The following FAM174A variants were observed in gnomAD, a reference collection of about 807,000 sequenced individuals.
FAM174A encodes family with sequence similarity 174 member A, also known as membrane protein FAM174A.
Under a neutral mutation model 14.3 loss-of-function variants are expected in FAM174A, and 14 were observed. The observed-to-expected ratio is 0.98, with a 90% confidence interval of 0.65 to 1.53. The LOEUF (loss-of-function observed/expected upper bound fraction) is 1.53. FAM174A is among the 40% of genes most tolerant of loss of function. The pLI is 0.00. For missense variants in FAM174A, 241 were observed against 249.6 expected, an observed-to-expected ratio of 0.97 and a Z score of 0.23; for synonymous variants, 108 against 111.4, an observed-to-expected ratio of 0.97 and a Z score of 0.19.
intron 2 of FAM174A, among the ~76,000 whole-genome samples, chr5:100,569,767 T>C (rs1394049702): frequency 6.6e-6 from 1 of 151,796 alleles, no homozygotes; most frequent in Non-Finnish European, 1.5e-5. Context: ...TATACAATAG[T>C]GCACAAAAAT....
At chr5:100,555,949 G>A (rs369852251) in intron 1 of FAM174A, among the ~76,000 whole-genome samples, 3 of 151,928 alleles carry the variant, frequency 2.0e-5, no homozygotes, top group African/African-American at 4.8e-5. Context: ...TAGTTTAATT[G>A]GATCCCATTT....
intron 1 of FAM174A, among the ~76,000 whole-genome samples, chr5:100,552,102 A>G (rs114631911): frequency 0.015 from 2,306 of 152,278 alleles, 18 homozygotes; most frequent in Middle Eastern, 0.051. Flanking sequence ...GAAATGGGGA[A>G]TAAAGATGAG....
At chr5:100,556,403 T>G (rs1715757143) in intron 1 of FAM174A, among the ~76,000 whole-genome samples, 1 of 152,210 alleles carries the variant, frequency 6.6e-6, no homozygotes, top group Non-Finnish European at 1.5e-5. Context: ...TCTTTTGGCT[T>G]AGGATTGACT....
intron 1 of FAM174A, 93 bp downstream of exon 1, chr5:100,536,057 T>G: frequency 8.7e-7 from 1 of 1,145,150 alleles, no homozygotes; most frequent in Non-Finnish European, 1.2e-6. Context: ...CCTTTCCCCC[T>G]TCCCCAGCAT....
At chr5:100,575,104 C>G (rs1746873540) in intron 2 of FAM174A, among the ~76,000 whole-genome samples, 3 of 152,096 alleles carry the variant, frequency 2.0e-5, no homozygotes, top group Admixed American at 2.0e-4. Flanking sequence ...ATTCTAAATT[C>G]TGTTCCTTCT....
chr5:100,576,809 AGAGGCAATTTTTTT>A (rs1746914674), intron 2 of FAM174A, among the ~76,000 whole-genome samples: 4 of 152,202 alleles, frequency 2.6e-5, no homozygotes, highest in Non-Finnish European at 5.9e-5. Flanking sequence ...TTTGTTAGTT[AGAGGCAATTTTTTT>A]GTTTAGTTGC....
At chr5:100,572,223 T>A (rs1406620167) in intron 2 of FAM174A, among the ~76,000 whole-genome samples, 1 of 147,168 alleles carries the variant, frequency 6.8e-6, no homozygotes, top group Non-Finnish European at 1.5e-5. Context: ...TTCTTTTTTT[T>A]ATGTAATATC....
chr5:100,542,892 GTA>G (rs1347151800), intron 1 of FAM174A, among the ~76,000 whole-genome samples: 5 of 151,584 alleles, frequency 3.3e-5, no homozygotes, highest in Non-Finnish European at 7.4e-5. Flanking sequence ...TGTGTAGGGG[GTA>G]TATGTGTGTG....
At chr5:100,569,556 T>C (rs1164212694) in intron 2 of FAM174A, among the ~76,000 whole-genome samples, 1 of 151,908 alleles carries the variant, frequency 6.6e-6, no homozygotes, top group Non-Finnish European at 1.5e-5. Context: ...TTTTGTATTG[T>C]TGGAGGTGGA....
chr5:100,535,668 T>C lies in FAM174A; in HGVS notation c.138T>C (p.Pro46=). ...AGGCCGCGCCAGGTCTTGGGCCTCC[T>C]GACCCTAGACCACGGACATTACCGC... ...AAEAAPGLGP[P]DPRPRTLPPL... The change falls in exon 1 of 3, where the codon CCT becomes CCC. Residue 46 remains proline (P), a synonymous_variant. Coordinates refer to ENST00000312637, the MANE Select transcript of FAM174A (RefSeq NM_198507.3). 1 of 1,612,250 alleles carries C rather than the reference T, an allele frequency of 6.2e-7. No homozygotes were observed. Among genetic ancestry groups the C allele is most frequent in the Non-Finnish European group, 8.5e-7 (1 of 1,179,848 alleles).
At chr5:100,585,147 T>C (rs998410589) in intron 2 of FAM174A, among the ~76,000 whole-genome samples, 4 of 152,158 alleles carry the variant, frequency 2.6e-5, no homozygotes, top group African/African-American at 9.6e-5. Flanking sequence ...TAATAATAAC[T>C]AGAGGGGACT....
intron 2 of FAM174A, among the ~76,000 whole-genome samples, chr5:100,570,767 A>T (rs1408626634): frequency 6.6e-6 from 1 of 152,018 alleles, no homozygotes. Context: ...TTGCTGTAGC[A>T]TTGTAGGAAG....
chr5:100,556,400 G>A (rs1439041856), intron 1 of FAM174A, among the ~76,000 whole-genome samples: 2 of 152,236 alleles, frequency 1.3e-5, no homozygotes, highest in East Asian at 1.9e-4. Context: ...TCTTCTTTTG[G>A]CTTAGGATTG....
intron 2 of FAM174A, among the ~76,000 whole-genome samples, chr5:100,566,682 T>C (rs1409553138): frequency 6.6e-6 from 1 of 151,850 alleles, no homozygotes; most frequent in African/African-American, 2.4e-5. Context: ...TATATGCACA[T>C]CATGCACATC....
intron 2 of FAM174A, among the ~76,000 whole-genome samples, chr5:100,571,824 C>G (rs1042913035): frequency 6.6e-6 from 1 of 151,482 alleles, no homozygotes; most frequent in African/African-American, 2.4e-5. Flanking sequence ...CTACAAATAC[C>G]CTGCAATGGA....
At chr5:100,570,259 C>T (rs1372653598) in intron 2 of FAM174A, among the ~76,000 whole-genome samples, 2 of 151,702 alleles carry the variant, frequency 1.3e-5, no homozygotes, top group African/African-American at 2.4e-5. Context: ...ACATTTTTTT[C>T]GGTAATGAGA....
intron 1 of FAM174A, among the ~76,000 whole-genome samples, chr5:100,546,201 T>C (rs956089207): frequency 6.6e-6 from 1 of 152,230 alleles, no homozygotes; most frequent in African/African-American, 2.4e-5. Context: ...CTGGCTTTAA[T>C]GTTTGGTCTT....
intron 1 of FAM174A, among the ~76,000 whole-genome samples, chr5:100,556,091 C>G (rs1746373561): frequency 2.0e-5 from 3 of 152,132 alleles, no homozygotes; most frequent in Admixed American, 2.0e-4. Context: ...ACATTTAAGT[C>G]CTTAATCCAT....
At chr5:100,539,990 C>T (rs1398635446) in intron 1 of FAM174A, among the ~76,000 whole-genome samples, 2 of 152,030 alleles carry the variant, frequency 1.3e-5, no homozygotes, top group African/African-American at 2.4e-5. Context: ...CATTCCTTCC[C>T]TCATCCAAAG....
Sources: gnomAD v4.1 joint callset for allele counts (sites outside exome capture counted in the v4.1 genomes callset) on GRCh38, gnomAD v4.1.1 for gene constraint, MANE v1.5 for transcripts, NCBI Gene and HGNC (gene_info 2026-07-23, HGNC 2026-07-21) for gene names.